CCDC63: variants seen among roughly 807,000 people sequenced by gnomAD.
The protein encoded by CCDC63 is coiled-coil domain-containing protein 63.
CCDC63 carries 54 observed loss-of-function variants against 63.6 expected under a neutral mutation model. The observed-to-expected ratio is 0.85, with a 90% CI of 0.68 to 1.07. CCDC63 has a LOEUF of 1.07. Ranked by LOEUF, CCDC63 falls within the 50% of genes least tolerant of loss-of-function variation. The pLI is 0.00. For missense variants in CCDC63, 637 were observed against 689.6 expected (o/e 0.92, Z 0.86); for synonymous variants, 253 against 266.1 (o/e 0.95, Z 0.48).
At chr12:110,858,076 A>C (rs1433622274) in intron 3 of CCDC63, among the ~76,000 whole-genome samples, 1 of 151,806 alleles carries the variant, frequency 6.6e-6, no homozygotes, top group Non-Finnish European at 1.5e-5. Context: ...ACTGCACTCC[A>C]GCCTGGGCAA....
At chr12:110,878,279 C>T (rs2071157655) in intron 5 of CCDC63, among the ~76,000 whole-genome samples, 1 of 152,092 alleles carries the variant, frequency 6.6e-6, no homozygotes, top group African/African-American at 2.4e-5. Context: ...TATATACACA[C>T]ATATAAGTAT....
At chr12:110,872,962 G>A (rs2071085107) in intron 4 of CCDC63, among the ~76,000 whole-genome samples, 3 of 152,164 alleles carry the variant, frequency 2.0e-5, no homozygotes, top group Admixed American at 1.3e-4. Context: ...AGCTGGGCAT[G>A]GTGGCTCATG....
intron 5 of CCDC63, among the ~76,000 whole-genome samples, chr12:110,875,651 T>C (rs771052208): frequency 2.6e-5 from 4 of 152,228 alleles, no homozygotes; most frequent in Non-Finnish European, 4.4e-5. Flanking sequence ...TGTTGGTATA[T>C]AGTTGTTCCT....
chr12:110,858,707 C>G lies in CCDC63; in HGVS notation c.301C>G (p.Gln101Glu). ...KNYMELRLLL[Q>E]TKEDYEALIK... ...CTACATGGAGCTGCGACTCCTGCTC[C>G]AAACTAAGGAGGACTATGAGGCATT... Residue 101 changes from glutamine to glutamate, a missense_variant, in exon 4 of 12, where the codon CAA (glutamine) becomes GAA (glutamate). By Grantham distance (29) the Gln-to-Glu change is conservative. Transcript: ENST00000308208. 6.2e-7 allele frequency: 1 copy of G among 1,614,050 alleles called. No homozygotes were observed. The highest frequency in any genetic ancestry group is 8.5e-7 in the Non-Finnish European group (1 of 1,180,008).
chr12:110,875,192 C>T lies in CCDC63; in HGVS notation c.489+1231C>T, dbSNP rs142281168. On this transcript the variant is annotated intron_variant, in intron 5 of 11. Transcript: ENST00000308208. The stretch of plus-strand genomic sequence containing the variant: ...CCATGCCCAGTGATTTGCAACTGTG[C>T]CTCAGAATTCCTAGGATATGGGTTA... Among the ~76,000 whole-genome samples, 846 of 152,228 alleles carry T rather than the reference C, an allele frequency of 5.6e-3. 8 individuals carry two copies. The highest frequency in any genetic ancestry group is 0.02 in the African/African-American group (819 of 41,512).
intron 1 of CCDC63, among the ~76,000 whole-genome samples, chr12:110,848,865 A>G (rs961197576): frequency 6.6e-6 from 1 of 152,176 alleles, no homozygotes; most frequent in African/African-American, 2.4e-5. Flanking sequence ...GGAACATAGA[A>G]CAGCTCCTGG....
upstream of CCDC63, chr12:110,846,766 A>T (rs758819961): frequency 6.6e-6 from 1 of 152,222 alleles, no homozygotes; most frequent in Non-Finnish European, 1.5e-5. Flanking sequence ...GAAGTCACTT[A>T]GCGTCATGAG....
chr12:110,863,112 G>A (rs888826507), intron 4 of CCDC63, among the ~76,000 whole-genome samples: 2 of 152,162 alleles, frequency 1.3e-5, no homozygotes, highest in Non-Finnish European at 2.9e-5. Context: ...CCAGCTATTT[G>A]TTTTATTTCA....
chr12:110,867,336 T>C (rs1482272526), intron 4 of CCDC63, among the ~76,000 whole-genome samples: 2 of 105,444 alleles, frequency 1.9e-5, no homozygotes, highest in Non-Finnish European at 3.9e-5. Flanking sequence ...ACGGGGCGGC[T>C]GGCCGGGTGG....
intron 11 of CCDC63, 63 bp downstream of exon 11, chr12:110,904,854 A>T: frequency 2.2e-6 from 3 of 1,364,336 alleles, no homozygotes; most frequent in Non-Finnish European, 3.0e-6. Context: ...AGGTCTGGGG[A>T]GACCGTGTCC....
intron 3 of CCDC63, among the ~76,000 whole-genome samples, chr12:110,853,899 C>G (rs970505777): frequency 2.6e-5 from 4 of 152,210 alleles, no homozygotes; most frequent in Admixed American, 6.5e-5. Context: ...TCTGTTCTCT[C>G]TCTCTCTGAA....
chr12:110,862,061 C>G (rs944120634), intron 4 of CCDC63, among the ~76,000 whole-genome samples: 1 of 152,288 alleles, frequency 6.6e-6, no homozygotes, highest in South Asian at 2.1e-4. Flanking sequence ...TCATCACCCA[C>G]CCCTGCTGTC....
chr12:110,899,120 AT>A lies in CCDC63; in HGVS notation c.1341del (p.Phe447LeufsTer89). 1 of 1,609,592 alleles carries A rather than the reference AT, an allele frequency of 6.2e-7. No individual in the cohort carries two copies. Among genetic ancestry groups the A allele is most frequent in the Non-Finnish European group, 8.5e-7 (1 of 1,177,978 alleles). Reference sequence around the variant, plus strand: ...GTCACTGACATCAACCTTCCGCAGTATTTTGGTGAGTCAAGCTGGGGCCCGT... The same window carrying A: ...GTCACTGACATCAACCTTCCGCAGTATTTGGTGAGTCAAGCTGGGGCCCGT... The part of the protein sequence containing the change: ...GKVTDINLPQ[Y>X]FAIIEKKTND... On this transcript the variant is annotated frameshift_variant, in exon 10 of 12. Transcript: ENST00000308208. LOFTEE classifies it high-confidence loss of function.
chr12:110,860,628 C>T (rs1358904953), intron 4 of CCDC63, among the ~76,000 whole-genome samples: 13 of 152,120 alleles, frequency 8.5e-5, no homozygotes, highest in South Asian at 2.1e-4. Flanking sequence ...TCACTCCTGT[C>T]GCCCAGGCTG....
At chr12:110,897,766 T>C in intron 9 of CCDC63, among the ~76,000 whole-genome samples, 1 of 144,708 alleles carries the variant, frequency 6.9e-6, no homozygotes, top group African/African-American at 2.6e-5. Context: ...AGAGTCTCGC[T>C]CTGTCACCCA....
intron 11 of CCDC63, among the ~76,000 whole-genome samples, chr12:110,905,771 TA>T (rs1235578966): frequency 6.2e-5 from 9 of 144,890 alleles, no homozygotes; most frequent in Non-Finnish European, 1.2e-4. Context: ...CCCATCTTTC[TA>T]AAAACATTCT....
intron 8 of CCDC63, among the ~76,000 whole-genome samples, chr12:110,891,190 A>G (rs1329525310): frequency 6.6e-6 from 1 of 152,072 alleles, no homozygotes; most frequent in Non-Finnish European, 1.5e-5. Context: ...TCATGCCTGC[A>G]GTCCCAGCTA....
In CCDC63 at chr12:110,906,633, GT is replaced by G. The variant is rs200794593; in HGVS notation, c.1547-697del. ...ATGTAGAGACCCCCAACAAGCACACGTGCACACACACACATGCACACAACAC... is the reference window on the plus strand; with the variant it reads ...ATGTAGAGACCCCCAACAAGCACACGGCACACACACACATGCACACAACAC... On this transcript the variant is annotated intron_variant, in intron 11 of 11. Coordinates refer to ENST00000308208, the MANE Select transcript of CCDC63 (RefSeq NM_152591.3). Among the ~76,000 whole-genome samples the G allele has an allele frequency of 1.1e-3, 160 of 151,940 alleles. 2 individuals are homozygous for G. In the East Asian group the frequency reaches 0.015, roughly 14 times the overall value.
intron 8 of CCDC63, among the ~76,000 whole-genome samples, chr12:110,892,605 G>A (rs1014509022): frequency 6.6e-6 from 1 of 152,026 alleles, no homozygotes; most frequent in African/African-American, 2.4e-5. Context: ...ATCGCCTGAG[G>A]TCAGGAGTTT....
Sources: allele counts gnomAD v4.1 joint callset (sites outside exome capture counted in the v4.1 genomes callset), GRCh38; gene constraint gnomAD v4.1.1; transcripts MANE v1.5; gene names NCBI Gene and HGNC (gene_info 2026-07-23, HGNC 2026-07-21).